The following SAMD4A variants were observed in gnomAD, a reference collection of about 807,000 sequenced individuals.
SAMD4A encodes the protein protein Smaug homolog 1.
In SAMD4A, 33 loss-of-function variants were observed where a neutral mutation model predicts 81.3. That is an observed-to-expected ratio of 0.41 (90% CI 0.31 to 0.54). The LOEUF is 0.54. SAMD4A is among the 20% of genes least tolerant of loss of function. SAMD4A has a pLI of 0.37. For synonymous variants in SAMD4A, 389 were observed against 382.1 expected (o/e 1.02, Z -0.21); for missense variants, 854 against 951.1 (o/e 0.90, Z 1.34).
intron 12 of SAMD4A, among the ~76,000 whole-genome samples, chr14:54,786,615 C>A (rs1232490437): frequency 6.6e-6 from 1 of 152,178 alleles, no homozygotes; most frequent in African/African-American, 2.4e-5. Flanking sequence ...GGGACTGACT[C>A]AGTCTTTCAC....
intron 2 of SAMD4A, among the ~76,000 whole-genome samples, chr14:54,595,522 G>A: frequency 6.6e-6 from 1 of 151,404 alleles, no homozygotes; most frequent in Non-Finnish European, 1.5e-5. Flanking sequence ...GCAGACTAAT[G>A]TCCTTACACT....
At chr14:54,706,294 AAAGAAG>A (rs1227349163) in intron 3 of SAMD4A, among the ~76,000 whole-genome samples, 3 of 139,960 alleles carry the variant, frequency 2.1e-5, no homozygotes, top group African/African-American at 7.5e-5. Context: ...AAAAAAAAAA[AAAGAAG>A]AAGAAGAAGA....
In SAMD4A at chr14:54,760,329, G is replaced by T. The variant is rs746508728; in HGVS notation, c.1345G>T (p.Asp449Tyr). Residue 449 changes from aspartate to tyrosine, a missense_variant, in exon 7 of 13, where the codon GAC (aspartate) becomes TAC (tyrosine). Coordinates refer to ENST00000554335, the MANE Select transcript of SAMD4A (RefSeq NM_015589.6). ...GATGGGCCCCGAGAGCCAGAGCCCC[G>T]ACTGCAAAGATGGGGCCGCAGCCAC... ...SLMGPESQSP[D>Y]CKDGAAATGA... 6 of 1,603,870 alleles carry T rather than the reference G, an allele frequency of 3.7e-6. No individual in the cohort carries two copies. The South Asian group carries it at 4.4e-5, about 12-fold the overall frequency.
intron 2 of SAMD4A, among the ~76,000 whole-genome samples, chr14:54,590,084 T>C (rs1326271956): frequency 6.6e-6 from 1 of 152,262 alleles, no homozygotes; most frequent in African/African-American, 2.4e-5. Context: ...TTGTGGGATA[T>C]AGCAGGCACA....
intron 2 of SAMD4A, chr14:54,692,882 C>CCCG (rs201573804): frequency 6.9e-6 from 1 of 145,396 alleles, no homozygotes; most frequent in Non-Finnish European, 1.5e-5. Flanking sequence ...TAGTGCCCCC[C>CCCG]CCCGCAAAAA....
intron 2 of SAMD4A, among the ~76,000 whole-genome samples, chr14:54,568,714 TATATATATATA>T (rs1420455813): frequency 1.6e-5 from 2 of 122,096 alleles, no homozygotes; most frequent in African/African-American, 5.9e-5. Flanking sequence ...TATATATATA[TATATATATATA>T]TATATATATA....
At chr14:54,612,447 A>G (rs1393499254) in intron 2 of SAMD4A, among the ~76,000 whole-genome samples, 1 of 152,140 alleles carries the variant, frequency 6.6e-6, no homozygotes, top group Non-Finnish European at 1.5e-5. Flanking sequence ...TTAAAATCTC[A>G]TCTTTTTTTG....
chr14:54,648,246 A>G (rs1290618565), intron 2 of SAMD4A, among the ~76,000 whole-genome samples: 1 of 152,190 alleles, frequency 6.6e-6, no homozygotes, highest in Non-Finnish European at 1.5e-5. Flanking sequence ...GTGGGGTTTC[A>G]GTGAGGAGAT....
chr14:54,698,883 T>A (rs575429041), intron 2 of SAMD4A, among the ~76,000 whole-genome samples: 1 of 152,296 alleles, frequency 6.6e-6, no homozygotes, highest in African/African-American at 2.4e-5. Context: ...GATAACATGT[T>A]TCGTTTGTAC....
upstream of SAMD4A, among the ~76,000 whole-genome samples, chr14:54,566,625 C>T (rs931650129): frequency 2.0e-5 from 3 of 151,738 alleles, no homozygotes; most frequent in Non-Finnish European, 2.9e-5. Context: ...GCTGCGGACC[C>T]CGGCCGTCCC....
chr14:54,637,327 T>C (rs556198397), intron 2 of SAMD4A, among the ~76,000 whole-genome samples: 7 of 131,972 alleles, frequency 5.3e-5, no homozygotes, highest in African/African-American at 2.1e-4. Context: ...ACTGCGTCAT[T>C]GCACTCCAGC....
Position 54,650,874 on chromosome 14 carries a change from T to C in SAMD4A, c.197-51188T>C, listed in dbSNP as rs544062046. Among the ~76,000 whole-genome samples the C allele has an allele frequency of 3.3e-5, 5 of 152,354 alleles. No homozygotes were observed. The South Asian group carries it at 1.0e-3, about 32-fold the overall frequency. On this transcript the variant is annotated intron_variant, in intron 2 of 12. Transcript: ENST00000554335. ...GAGCATTCTTTCAGCGTTCTTTACT[T>C]GCTTGACCTTTTAGTTATTTTCTTT... is the stretch of plus-strand genomic sequence containing the variant.
intron 2 of SAMD4A, among the ~76,000 whole-genome samples, chr14:54,670,888 G>T (rs188504658): frequency 8.5e-5 from 13 of 152,260 alleles, no homozygotes; most frequent in Admixed American, 8.5e-4. Context: ...AAACATTGCA[G>T]CCACATAGAG....
chr14:54,633,316 G>A (rs991614232), intron 2 of SAMD4A, among the ~76,000 whole-genome samples: 2 of 152,190 alleles, frequency 1.3e-5, no homozygotes, highest in African/African-American at 4.8e-5. Context: ...TGTGTTCAAG[G>A]ACTGGAAAGC....
chr14:54,605,759 G>A (rs188684493), intron 2 of SAMD4A, among the ~76,000 whole-genome samples: 44 of 151,934 alleles, frequency 2.9e-4, no homozygotes, highest in Non-Finnish European at 5.7e-4. Flanking sequence ...GTGTAAAACT[G>A]TATTTTCTTA....
chr14:54,773,148 A>G (rs2038749315), intron 9 of SAMD4A, among the ~76,000 whole-genome samples: 1 of 152,200 alleles, frequency 6.6e-6, no homozygotes, highest in South Asian at 2.1e-4. Flanking sequence ...CAAGCCCAGA[A>G]TTCTCCTTCC....
intron 3 of SAMD4A, among the ~76,000 whole-genome samples, chr14:54,717,543 A>G (rs1306543429): frequency 6.6e-6 from 1 of 152,156 alleles, no homozygotes; most frequent in African/African-American, 2.4e-5. Context: ...ACAATGTTAC[A>G]TCCAAGTATT....
chr14:54,626,052 GT>G (rs2140319111), intron 2 of SAMD4A, among the ~76,000 whole-genome samples: 1 of 126,254 alleles, frequency 7.9e-6, no homozygotes, highest in African/African-American at 3.8e-5. Context: ...GTGTGTGTGT[GT>G]GTGTGTGCGC....
At chr14:54,748,515 CT>C (rs2038021001) in intron 4 of SAMD4A, among the ~76,000 whole-genome samples, 1 of 152,138 alleles carries the variant, frequency 6.6e-6, no homozygotes, top group South Asian at 2.1e-4. Flanking sequence ...AACTCCCCAT[CT>C]ACTCACAAAT....
Sources: gnomAD v4.1 joint callset for allele counts (sites outside exome capture counted in the v4.1 genomes callset) on GRCh38, gnomAD v4.1.1 for gene constraint, MANE v1.5 for transcripts, NCBI Gene and HGNC (gene_info 2026-07-23, HGNC 2026-07-21) for gene names.